The following TNRC6B variants were observed in gnomAD, a reference collection of about 807,000 sequenced individuals.
TNRC6B encodes the protein trinucleotide repeat-containing gene 6B protein.
Under a neutral mutation model 203.6 loss-of-function variants are expected in TNRC6B, and 52 were observed. That is an observed-to-expected ratio of 0.26 (90% CI 0.20 to 0.32). The LOEUF (loss-of-function observed/expected upper bound fraction) is 0.32, where lower values mean the gene tolerates loss of function less well. Among genes scored for constraint, TNRC6B ranks in the 10% least tolerant of loss-of-function variants. TNRC6B has a pLI of 1.00. For synonymous variants in TNRC6B, 838 were observed against 845.7 expected (o/e 0.99, Z 0.16); for missense variants, 1,923 against 2,286.2 (o/e 0.84, Z 3.24).
At chr22:40,313,892 G>A (rs570181663) in intron 19 of TNRC6B, among the ~76,000 whole-genome samples, 1 of 152,236 alleles carries the variant, frequency 6.6e-6, no homozygotes, top group African/African-American at 2.4e-5. Flanking sequence ...CCCCTATTTT[G>A]TGGATAAAGA....
intron 2 of TNRC6B, among the ~76,000 whole-genome samples, chr22:40,247,194 C>T (rs2070119681): frequency 6.6e-6 from 1 of 152,108 alleles, no homozygotes. Flanking sequence ...AGGTGATTTT[C>T]TGTCAGGTAT....
At chr22:40,226,491 G>T (rs1332450142) in intron 1 of TNRC6B, among the ~76,000 whole-genome samples, 1 of 152,206 alleles carries the variant, frequency 6.6e-6, no homozygotes, top group Non-Finnish European at 1.5e-5. Context: ...GATCTCAGGA[G>T]CAGAGTCCAC....
At chr22:40,131,771 C>T (rs895659904) in intron 3 of TNRC6B, among the ~76,000 whole-genome samples, 1 of 152,150 alleles carries the variant, frequency 6.6e-6, no homozygotes, top group Non-Finnish European at 1.5e-5. Context: ...TTTGTATGAC[C>T]TAACAAATTT....
chr22:40,059,858 CTG>C (rs1464441908), intron 1 of TNRC6B, among the ~76,000 whole-genome samples: 1 of 140,120 alleles, frequency 7.1e-6, no homozygotes, highest in Non-Finnish European at 1.5e-5. Flanking sequence ...GAGTCTCGCT[CTG>C]TTGCCAGGCT....
At chr22:40,131,364 G>A (rs1422719020) in intron 3 of TNRC6B, among the ~76,000 whole-genome samples, 4 of 151,714 alleles carry the variant, frequency 2.6e-5, no homozygotes, top group Non-Finnish European at 5.9e-5. Flanking sequence ...TATATTCTTC[G>A]GGAGTTGGGA....
chr22:40,206,754 C>T (rs901709980), intron 1 of TNRC6B, among the ~76,000 whole-genome samples: 16 of 152,208 alleles, frequency 1.1e-4, no homozygotes, highest in Middle Eastern at 3.4e-3. Context: ...GACCGCCACG[C>T]GTACATGGAA....
At chr22:40,159,775 G>T (rs936394635) in intron 4 of TNRC6B, among the ~76,000 whole-genome samples, 1 of 151,630 alleles carries the variant, frequency 6.6e-6, no homozygotes, top group African/African-American at 2.4e-5. Context: ...ATTCTTCTAA[G>T]ACTTAACTTT....
chr22:40,216,152 C>T (rs3091342), intron 1 of TNRC6B, among the ~76,000 whole-genome samples: 18,185 of 152,314 alleles, frequency 0.12, 1,439 homozygotes, highest in Non-Finnish European at 0.18. Flanking sequence ...GCCGTTCCCC[C>T]TAGTTAGATG....
intron 3 of TNRC6B, among the ~76,000 whole-genome samples, chr22:40,153,541 C>A (rs548163349): frequency 2.5e-4 from 28 of 111,852 alleles, no homozygotes; most frequent in African/African-American, 1.1e-3. Context: ...ATAACAAATA[C>A]TAAGCTAGAA....
chr22:40,263,002 T>C (rs1296535404), intron 4 of TNRC6B, among the ~76,000 whole-genome samples: 1 of 150,654 alleles, frequency 6.6e-6, no homozygotes, highest in Non-Finnish European at 1.5e-5. Flanking sequence ...GTCGCGCCAT[T>C]GCACTCCAGC....
At chr22:40,322,561 A>G (rs1433794651) in intron 22 of TNRC6B, among the ~76,000 whole-genome samples, 1 of 152,214 alleles carries the variant, frequency 6.6e-6, no homozygotes, top group Non-Finnish European at 1.5e-5. Context: ...TCCATACACC[A>G]AGAAATATCA....
Position 40,300,993 on chromosome 22 carries a change from G to A in TNRC6B, c.3924G>A (p.Gln1308=). ...AGATTTCTCAAGCTGTACGCCAACA[G>A]CAAGAGCAGCAGGTACGTGGGTAGG... ...QRKISQAVRQ[Q]QEQQLARMVS... Residue 1308 remains glutamine (Q), a synonymous_variant, in exon 14 of 23, where the codon CAG becomes CAA. Transcript: ENST00000454349. 1 of 1,612,844 alleles carries A rather than the reference G, an allele frequency of 6.2e-7. No individual in the cohort carries two copies. The highest frequency in any genetic ancestry group is 8.5e-7 in the Non-Finnish European group (1 of 1,179,386).
chr22:40,062,073 CAAAAATAAAAA>C (rs2067858257), intron 1 of TNRC6B, among the ~76,000 whole-genome samples: 2 of 152,072 alleles, frequency 1.3e-5, no homozygotes, highest in African/African-American at 4.8e-5. Flanking sequence ...GACTCTGTCT[CAAAAATAAAAA>C]GAAAACTTTA....
chr22:40,078,063 A>T (rs2068033725), intron 1 of TNRC6B, among the ~76,000 whole-genome samples: 1 of 152,210 alleles, frequency 6.6e-6, no homozygotes, highest in African/African-American at 2.4e-5. Context: ...TTCCATAAGA[A>T]TTGCTGGGTC....
At chr22:40,158,761 A>G (rs2068842869) in intron 4 of TNRC6B, among the ~76,000 whole-genome samples, 1 of 152,190 alleles carries the variant, frequency 6.6e-6, no homozygotes. Context: ...CTGGTCAGCT[A>G]TTACATACTG....
intron 1 of TNRC6B, among the ~76,000 whole-genome samples, chr22:40,182,169 C>T (rs1394479957): frequency 6.6e-6 from 1 of 151,642 alleles, no homozygotes; most frequent in African/African-American, 2.4e-5. Context: ...CGTTTGAACC[C>T]AGGAGTCGGA....
At chr22:40,317,810 A>G (rs945853963) in intron 21 of TNRC6B, among the ~76,000 whole-genome samples, 2 of 152,362 alleles carry the variant, frequency 1.3e-5, no homozygotes, top group Admixed American at 1.3e-4. Flanking sequence ...TGGGCTCATC[A>G]AAACTGAGTC....
rs993223867 is a variant in TNRC6B, at chr22:40,332,395, C to G, written c.*9154C>G. 3 of 152,630 alleles carry G rather than the reference C, an allele frequency of 2.0e-5. No homozygotes were observed. The highest frequency in any genetic ancestry group is 4.4e-5 in the Non-Finnish European group (3 of 68,044). The allele number at this position is 152,630 out of a possible 1,614,324, so 9.5% of individuals were successfully genotyped here. ...TTGACAGGGGAGGTCTGCATGCAGCCTCTTCTTTGTCCTAACAATTCCTTT... is the reference window on the plus strand; with the variant it reads ...TTGACAGGGGAGGTCTGCATGCAGCGTCTTCTTTGTCCTAACAATTCCTTT... On this transcript the variant is annotated 3_prime_UTR_variant, in exon 23 of 23. Transcript: ENST00000454349.
chr22:40,259,261 G>A (rs2070336291), intron 3 of TNRC6B, among the ~76,000 whole-genome samples: 1 of 151,436 alleles, frequency 6.6e-6, no homozygotes, highest in Non-Finnish European at 1.5e-5. Flanking sequence ...GTCTTGCTCT[G>A]TGGCCCAGGC....
Sources: allele counts gnomAD v4.1 joint callset (sites outside exome capture counted in the v4.1 genomes callset), GRCh38; gene constraint gnomAD v4.1.1; transcripts MANE v1.5; gene names NCBI Gene and HGNC (gene_info 2026-07-23, HGNC 2026-07-21).